Variants in HMCN2 observed in about 807,000 individuals in gnomAD.
The protein encoded by HMCN2 is hemicentin-2.
HMCN2 carries 325 observed loss-of-function variants against 377.5 expected under a neutral mutation model. The observed-to-expected ratio is 0.86, with a 90% CI of 0.79 to 0.94. The LOEUF is 0.94. HMCN2 is among the 40% of genes least tolerant of loss of function. The pLI, the probability that HMCN2 is intolerant of heterozygous loss-of-function variation, is 0.00. For synonymous variants in HMCN2, 2,007 were observed against 2,046.8 expected (o/e 0.98, Z 0.53); for missense variants, 4,543 against 4,725.3 (o/e 0.96, Z 1.13).
At chr9:130,326,709 C>T (rs1446631211) in intron 21 of HMCN2, among the ~76,000 whole-genome samples, 1 of 152,116 alleles carries the variant, frequency 6.6e-6, no homozygotes, top group Non-Finnish European at 1.5e-5. Context: ...GCTGCTCAGA[C>T]AGGTAGCGAG....
intron 31 of HMCN2, among the ~76,000 whole-genome samples, chr9:130,353,687 C>A (rs1047494142): frequency 1.3e-5 from 2 of 152,168 alleles, no homozygotes; most frequent in Non-Finnish European, 2.9e-5. Context: ...CAGGTTCACA[C>A]CCCTAGGAGG....
chr9:130,286,386 C>G, intron 4 of HMCN2, 76 bp downstream of exon 4: 1 of 449,590 alleles, frequency 2.2e-6, no homozygotes, highest in South Asian at 1.6e-5. Flanking sequence ...CCCTGTGGCT[C>G]CAGGTGGTTG....
In HMCN2 at chr9:130,303,621, G is replaced by A; in HGVS notation, c.1543+13G>A. On this transcript the variant is annotated intron_variant, in intron 10 of 97. Transcript: ENST00000683500. This position sits in a 1 kb window ranked among gnomAD's most constrained non-coding sequence, Gnocchi z 5.2. The stretch of plus-strand genomic sequence containing the variant: ...ATTGTTGTCACAGGTCTGTCCCTTG[G>A]GGCCCCTCCATGTACCCCTTCCTTA... 1 of 265,000 alleles carries A rather than the reference G, an allele frequency of 3.8e-6. No individual in the cohort carries two copies. The highest frequency in any genetic ancestry group is 8.5e-6 in the Non-Finnish European group (1 of 118,082). 16.4% of individuals were successfully genotyped at this position (265,000 alleles called of 1,614,324 possible). A position where few individuals can be genotyped will look rare whatever the true frequency, so the allele number is the denominator to read the frequency against.
chr9:130,393,823 C>A lies in HMCN2; in HGVS notation c.10316C>A (p.Ala3439Asp). ...RGSLVELPCE[A>D]RGVPLPLVSW... ...TCCCTGGTGGAACTCCCGTGCGAGG[C>A]CCGGGGCGTTCCCCTGCCTCTCGTG... Residue 3439 changes from alanine to aspartate, a missense_variant, in exon 68 of 98, where the codon GCC (alanine) becomes GAC (aspartate). This residue lies in a region of HMCN2 where 1,073 missense variants were observed against 1,319.5 expected (regional missense o/e 0.81). Coordinates refer to ENST00000683500, the MANE Select transcript of HMCN2 (RefSeq NM_001291815.2). This position sits in a 1 kb window ranked among gnomAD's most constrained non-coding sequence, Gnocchi z 5.2. The A allele has an allele frequency of 7.8e-7, 1 of 1,288,926 alleles. No homozygotes were observed. The highest frequency in any genetic ancestry group is 1.0e-6 in the Non-Finnish European group (1 of 988,470). 79.8% of individuals were successfully genotyped at this position (1,288,926 alleles called of 1,614,324 possible).
rs1208954761 is a variant in HMCN2 at position 130,356,174 on chromosome 9, A to G, written c.5342A>G (p.Glu1781Gly). 1 of 1,302,934 alleles carries G rather than the reference A, an allele frequency of 7.7e-7. No individual in the cohort carries two copies. Among genetic ancestry groups the G allele is most frequent in the East Asian group, 5.6e-5 (1 of 17,958 alleles). The allele number at this position is 1,302,934 out of a possible 1,614,324, so 80.7% of individuals were successfully genotyped here. A position where few individuals can be genotyped will look rare whatever the true frequency, so the allele number is the denominator to read the frequency against. ...QGTTLHIDHV[E>G]LDHSGLFACQ... ...ACCACACTGCACATTGACCATGTGGAGCTGGACCACTCAGGCCTCTTCGCC... is the reference window on the plus strand; with the variant it reads ...ACCACACTGCACATTGACCATGTGGGGCTGGACCACTCAGGCCTCTTCGCC... Residue 1781 changes from glutamate (E) to glycine (G), a missense_variant, in exon 34 of 98, where the codon GAG becomes GGG. Glu to Gly is a moderately conservative substitution (Grantham distance 98). Coordinates refer to ENST00000683500, the MANE Select transcript of HMCN2 (RefSeq NM_001291815.2).
rs1045451208 is a variant in HMCN2, at chr9:130,424,830, C to G, written c.13436C>G (p.Ala4479Gly). 1.8e-5 allele frequency: 28 copies of G among 1,521,748 alleles called. No homozygotes were observed. The highest frequency in any genetic ancestry group is 2.4e-5 in the Non-Finnish European group (27 of 1,131,184). 94.3% of individuals were successfully genotyped at this position (1,521,748 alleles called of 1,614,324 possible). The change falls in exon 88 of 98, where the codon GCC (alanine) becomes GGC (glycine). Residue 4479 changes from alanine to glycine, a missense_variant. This residue lies in a region of HMCN2 where 1,155 missense variants were observed against 1,157.7 expected (regional missense o/e 1.00). Transcript: ENST00000683500. Reference protein sequence around the residue: ...VTIAPIYWALARESGEALNGH... With the variant: ...VTIAPIYWALGRESGEALNGH... Reference sequence around the variant, plus strand: ...ATCGCCCCCATCTACTGGGCCCTGGCCAGAGAGAGTGGGGAAGCCCTGAAT... The same window carrying G: ...ATCGCCCCCATCTACTGGGCCCTGGGCAGAGAGAGTGGGGAAGCCCTGAAT...
intron 40 of HMCN2, 112 bp downstream of exon 40, chr9:130,363,102 C>T (rs1048093083): frequency 6.0e-5 from 52 of 868,364 alleles, no homozygotes; most frequent in Non-Finnish European, 1.4e-5. Context: ...GAGGAGTGTC[C>T]ACCTGAGAAC....
chr9:130,312,268 A>T (rs1376048758), intron 15 of HMCN2, among the ~76,000 whole-genome samples: 1 of 151,854 alleles, frequency 6.6e-6, no homozygotes, highest in Non-Finnish European at 1.5e-5. Flanking sequence ...TGGGCTCCTC[A>T]TTGCCAAAAT....
rs1440687955 is a variant in HMCN2, at chr9:130,388,431, C to T, written c.9414C>T (p.Pro3138=). 3.0e-6 allele frequency: 3 copies of T among 987,970 alleles called. No individual in the cohort carries two copies. Among genetic ancestry groups the T allele is most frequent in the Non-Finnish European group, 3.6e-6 (3 of 830,098 alleles). The allele number at this position is 987,970 out of a possible 1,614,324, so 61.2% of individuals were successfully genotyped here. Residue 3138 remains proline (P), a synonymous_variant, in exon 62 of 98, where the codon CCC becomes CCT. Coordinates refer to ENST00000683500, the MANE Select transcript of HMCN2 (RefSeq NM_001291815.2). ...TVQVPPTFEN[P]KTETVSQVAG... is the part of the protein sequence containing the mutation. ...CAGTGCCCCCAACATTTGAGAACCC[C>T]AAGACAGAGACAGTGAGCCAGGTGG...
At chr9:130,363,828 A>AAG (rs1277953638) in intron 40 of HMCN2, among the ~76,000 whole-genome samples, 2 of 150,964 alleles carry the variant, frequency 1.3e-5, no homozygotes, top group Non-Finnish European at 3.0e-5. Flanking sequence ...GTCAAAAAAA[A>AAG]AAAAAAGAAA....
At chr9:130,322,046 CAT>C (rs2131404187) in intron 19 of HMCN2, 115 bp downstream of exon 19, 1 of 151,404 alleles carries the variant, frequency 6.6e-6, no homozygotes, top group Non-Finnish European at 1.5e-5. Flanking sequence ...TCGTGCAAAT[CAT>C]ATATATTCTC....
intron 1 of HMCN2, among the ~76,000 whole-genome samples, chr9:130,277,994 T>TCATCATCAC (rs1834860909): frequency 2.4e-5 from 1 of 41,336 alleles, no homozygotes; most frequent in Non-Finnish European, 4.0e-5. Context: ...ACCACGATCA[T>TCATCATCAC]CACCACCACC....
At chr9:130,348,169 C>A in intron 26 of HMCN2, 3 of 485,308 alleles carry the variant, frequency 6.2e-6, no homozygotes, top group Non-Finnish European at 8.0e-6. Context: ...TAATGACTTG[C>A]TCAAGACATT....
rs1212497195 is a variant in HMCN2 at position 130,384,942 on chromosome 9, G to A, written c.9106+144G>A. The A allele has an allele frequency of 9.1e-6, 4 of 437,240 alleles. No homozygotes were observed. The Admixed American group carries it at 9.5e-5, about 10-fold the overall frequency. 27.1% of individuals were successfully genotyped at this position (437,240 alleles called of 1,614,324 possible). On this transcript the variant is annotated intron_variant, in intron 59 of 97. Transcript: ENST00000683500. ...CGCCCGCACAGATCAGCTCTGAGGA[G>A]GGGGAGCAGTGGGACGGGCCCCAGG...
chr9:130,328,469 G>C (rs1838262697), intron 22 of HMCN2, among the ~76,000 whole-genome samples: 1 of 152,300 alleles, frequency 6.6e-6, no homozygotes, highest in South Asian at 2.1e-4. Flanking sequence ...ACCCCTCCTC[G>C]CCGTGGTGCG....
intron 19 of HMCN2, among the ~76,000 whole-genome samples, chr9:130,324,361 A>C (rs1410542444): frequency 6.6e-6 from 1 of 152,226 alleles, no homozygotes; most frequent in Non-Finnish European, 1.5e-5. Flanking sequence ...TCCTTTTAAA[A>C]AAACAGACTG....
chr9:130,403,693 T>G (rs1017918944), intron 79 of HMCN2, 48 bp from the exon 80 acceptor site: 1 of 1,279,552 alleles, frequency 7.8e-7, no homozygotes, highest in African/African-American at 1.5e-5. Context: ...ACCTCGGGGG[T>G]CCCCAGTCCC....
Position 130,356,262 on chromosome 9 carries a change from G to C in HMCN2, c.5425+5G>C, listed in dbSNP as rs1202141095. 2 of 1,290,808 alleles carry C rather than the reference G, an allele frequency of 1.5e-6. No individual in the cohort carries two copies. Among genetic ancestry groups the C allele is most frequent in the African/African-American group, 1.5e-5 (1 of 65,570 alleles). 80.0% of individuals were successfully genotyped at this position (1,290,808 alleles called of 1,614,324 possible). A position where few individuals can be genotyped will look rare whatever the true frequency, so the allele number is the denominator to read the frequency against. ...AGGTGGAGGTGTCTGTGCATGGTGA[G>C]TGGGCGCCTGGGGTTCTGGAGCTGT... is the stretch of plus-strand genomic sequence containing the variant. On this transcript the variant is annotated splice_donor_5th_base_variant and intron_variant, in intron 34 of 97. Transcript: ENST00000683500.
intron 78 of HMCN2, 112 bp downstream of exon 78, chr9:130,403,008 G>C (rs41309952): frequency 0.039 from 39,120 of 1,011,258 alleles, 1,059 homozygotes; most frequent in Middle Eastern, 0.089. Flanking sequence ...CAGAGGCCCC[G>C]ACCTGTCTCC....
Sources: gnomAD v4.1 joint callset for allele counts (sites outside exome capture counted in the v4.1 genomes callset) on GRCh38, gnomAD v4.1.1 for gene constraint, gnomAD v4.1.1 regional missense constraint, Gnocchi (gnomAD v3.1) non-coding constraint, MANE v1.5 for transcripts, NCBI Gene and HGNC (gene_info 2026-07-23, HGNC 2026-07-21) for gene names.